Variants in MAP2K4 observed in about 807,000 individuals in gnomAD.
The protein encoded by MAP2K4 is mitogen-activated protein kinase kinase 4, also known as dual specificity mitogen-activated protein kinase kinase 4.
In MAP2K4, 4 loss-of-function variants were observed where a neutral mutation model predicts 48.5. That is an observed-to-expected ratio of 0.08 (90% confidence interval 0.04 to 0.19). The LOEUF (loss-of-function observed/expected upper bound fraction) is 0.19, where lower values mean the gene tolerates loss of function less well. Ranked by LOEUF, MAP2K4 falls within the 10% of genes least tolerant of loss-of-function variation. The pLI, the probability that MAP2K4 is intolerant of heterozygous loss-of-function variation, is 1.00. For synonymous variants in MAP2K4, 166 were observed against 173.1 expected (o/e 0.96, Z 0.32); for missense variants, 258 against 493.3 (o/e 0.52, Z 4.52).
intron 6 of MAP2K4, among the ~76,000 whole-genome samples, chr17:12,112,465 CAA>C (rs11370279): frequency 9.2e-5 from 8 of 86,652 alleles, no homozygotes; most frequent in African/African-American, 5.0e-5. Context: ...ACTCTTGTCT[CAA>C]AAAAAAAAAA....
intron 1 of MAP2K4, among the ~76,000 whole-genome samples, chr17:12,041,723 G>A (rs1463322091): frequency 6.6e-6 from 1 of 152,178 alleles, no homozygotes; most frequent in African/African-American, 2.4e-5. Flanking sequence ...GTGTCTCTTA[G>A]TGAAACTGTT....
At chr17:12,069,684 T>G in intron 2 of MAP2K4, 1 of 1,010,578 alleles carries the variant, frequency 9.9e-7, no homozygotes, top group Non-Finnish European at 1.2e-6. Context: ...ACTCATTTGT[T>G]GGTAGTGCCA....
intron 2 of MAP2K4, among the ~76,000 whole-genome samples, chr17:12,074,787 C>T (rs1970943330): frequency 6.6e-6 from 1 of 152,218 alleles, no homozygotes; most frequent in Non-Finnish European, 1.5e-5. Flanking sequence ...CAGGATCTTC[C>T]TGGATCCCCG....
At chr17:12,036,185 A>G (rs1705204122) in intron 1 of MAP2K4, among the ~76,000 whole-genome samples, 2 of 152,176 alleles carry the variant, frequency 1.3e-5, no homozygotes, top group African/African-American at 2.4e-5. Context: ...ATTTAAGACC[A>G]TAGTGTCATG....
At chr17:12,120,738 T>G (rs141054866) in intron 7 of MAP2K4, among the ~76,000 whole-genome samples, 190 of 152,250 alleles carry the variant, frequency 1.2e-3, no homozygotes, top group African/African-American at 4.4e-3. Flanking sequence ...GCAGAATGCC[T>G]CCTCATTACT....
chr17:12,131,116 GA>G (rs1256623349), intron 9 of MAP2K4, among the ~76,000 whole-genome samples: 1 of 151,320 alleles, frequency 6.6e-6, no homozygotes, highest in Non-Finnish European at 1.5e-5. Context: ...GATAAATAAT[GA>G]AAAAAATACT....
intron 7 of MAP2K4, among the ~76,000 whole-genome samples, chr17:12,115,264 T>G (rs199940242): frequency 6.6e-6 from 1 of 152,236 alleles, no homozygotes; most frequent in African/African-American, 2.4e-5. Flanking sequence ...CACAGTCTTA[T>G]GTTGCTTAAC....
chr17:12,110,572 C>G (rs1317592637), intron 6 of MAP2K4, 146 bp downstream of exon 6: 1 of 599,168 alleles, frequency 1.7e-6, no homozygotes, highest in Admixed American at 3.4e-5. Context: ...TACTTTAAAA[C>G]TCTATTACTG....
intron 2 of MAP2K4, among the ~76,000 whole-genome samples, chr17:12,060,387 A>G (rs1375950153): frequency 6.6e-6 from 1 of 152,180 alleles, no homozygotes; most frequent in African/African-American, 2.4e-5. Flanking sequence ...CCTTCTTTAA[A>G]TAAAGTCTCA....
At position 12,081,637 on chromosome 17, in the gene MAP2K4, G is replaced by A; in HGVS notation, c.393+107G>A. The A allele has an allele frequency of 1.7e-6, 2 of 1,186,146 alleles. No homozygotes were observed. Among genetic ancestry groups the A allele is most frequent in the East Asian group, 2.5e-5 (1 of 39,662 alleles). The allele number at this position is 1,186,146 out of a possible 1,614,324, so 73.5% of individuals were successfully genotyped here. On this transcript the variant is annotated intron_variant, in intron 3 of 10. Transcript: ENST00000353533. The surrounding 1 kb of genome is among the most constrained non-coding windows in gnomAD (Gnocchi z 4.2). ...TCCTACTTTTGTGGTAAATGTGGGT[G>A]TTTAAAAAATTGTTTCTCCAACTCC...
At chr17:12,022,350 T>G (rs1045502710) in intron 1 of MAP2K4, among the ~76,000 whole-genome samples, 1 of 152,210 alleles carries the variant, frequency 6.6e-6, no homozygotes, top group Non-Finnish European at 1.5e-5. Flanking sequence ...CTCAGATAAT[T>G]CATTCAAATT....
At chr17:12,115,937 C>A in intron 7 of MAP2K4, 1 of 494,418 alleles carries the variant, frequency 2.0e-6, no homozygotes, top group Non-Finnish European at 3.9e-6. Flanking sequence ...TCTTCTAACA[C>A]CAGCTATGAA....
In MAP2K4 at chr17:12,142,551, T is replaced by C. The variant is rs1420373118; in HGVS notation, c.*1291T>C. On this transcript the variant is annotated 3_prime_UTR_variant, in exon 11 of 11. Transcript: ENST00000353533. ...GAATAGTGGGGCCCAGCCGATGTGGTAGGTGATAAAGAGGCATCTTTTCTA... is the reference window on the plus strand; with the variant it reads ...GAATAGTGGGGCCCAGCCGATGTGGCAGGTGATAAAGAGGCATCTTTTCTA... 1 of 233,124 alleles carries C rather than the reference T, an allele frequency of 4.3e-6. No individual in the cohort carries two copies. Among genetic ancestry groups the C allele is most frequent in the East Asian group, 6.0e-5 (1 of 16,580 alleles). The allele number at this position is 233,124 out of a possible 1,614,324, so 14.4% of individuals were successfully genotyped here. A position where few individuals can be genotyped will look rare whatever the true frequency, so the allele number is the denominator to read the frequency against.
intron 1 of MAP2K4, among the ~76,000 whole-genome samples, chr17:12,044,851 A>G (rs527978926): frequency 3.9e-4 from 60 of 152,180 alleles, no homozygotes; most frequent in African/African-American, 1.4e-3. Flanking sequence ...CTTTGGGGTT[A>G]ATTAATTTGC....
At chr17:12,069,654 T>A in intron 2 of MAP2K4, 1 of 992,984 alleles carries the variant, frequency 1.0e-6, no homozygotes, top group South Asian at 4.2e-5. Flanking sequence ...TTTTGCCTCA[T>A]CTTAGATCAC....
intron 1 of MAP2K4, among the ~76,000 whole-genome samples, chr17:12,052,708 T>A (rs1970179805): frequency 6.6e-6 from 1 of 152,190 alleles, no homozygotes; most frequent in Non-Finnish European, 1.5e-5. Context: ...TGACATATGC[T>A]CAGTTTTTGA....
rs138815504 is a variant in MAP2K4, at chr17:12,113,932, C to A, written c.813+572C>A. 1.1e-4 allele frequency among the ~76,000 whole-genome samples: 17 copies of A among 152,266 alleles called. No homozygotes were observed. The East Asian group carries it at 3.3e-3, about 29-fold the overall frequency. On this transcript the variant is annotated intron_variant, in intron 7 of 10. Transcript: ENST00000353533. Reference sequence around the variant, plus strand: ...AGTATATTTGCATACAGTGTTCCTACAGCCTGGATTTTGATCTGTATTTGA... The same window carrying A: ...AGTATATTTGCATACAGTGTTCCTAAAGCCTGGATTTTGATCTGTATTTGA...
intron 4 of MAP2K4, among the ~76,000 whole-genome samples, chr17:12,096,486 A>C (rs1405254784): frequency 6.6e-6 from 1 of 152,186 alleles, no homozygotes; most frequent in African/African-American, 2.4e-5. Flanking sequence ...CCGCCATCAA[A>C]AATTGTGATA....
intron 6 of MAP2K4, among the ~76,000 whole-genome samples, chr17:12,111,994 A>G (rs1972322009): frequency 6.6e-6 from 1 of 152,198 alleles, no homozygotes; most frequent in African/African-American, 2.4e-5. Flanking sequence ...AACTTTTCCC[A>G]CGTCTCTAAT....
Sources: gnomAD v4.1 joint callset for allele counts (sites outside exome capture counted in the v4.1 genomes callset) on GRCh38, gnomAD v4.1.1 for gene constraint, Gnocchi (gnomAD v3.1) non-coding constraint, MANE v1.5 for transcripts, NCBI Gene and HGNC (gene_info 2026-07-23, HGNC 2026-07-21) for gene names.